Variants in RIMS4 observed in about 807,000 individuals in gnomAD.
RIMS4 encodes regulating synaptic membrane exocytosis protein 4.
RIMS4 carries 9 observed loss-of-function variants against 29.0 expected under a neutral mutation model. The ratio of observed to expected loss-of-function variants is 0.31; its 90% confidence interval spans 0.19 to 0.54. The LOEUF (loss-of-function observed/expected upper bound fraction) is 0.54, where lower values mean the gene tolerates loss of function less well. Among genes scored for constraint, RIMS4 ranks in the 20% least tolerant of loss-of-function variants. The pLI, the probability that RIMS4 is intolerant of heterozygous loss-of-function variation, is 0.94. For synonymous variants in RIMS4, 130 were observed against 152.9 expected (o/e 0.85, Z 1.10); for missense variants, 193 against 365.7 (o/e 0.53, Z 3.85).
intron 1 of RIMS4, among the ~76,000 whole-genome samples, chr20:44,778,343 T>C (rs1041115899): frequency 2.6e-5 from 4 of 152,206 alleles, no homozygotes; most frequent in African/African-American, 9.7e-5. Flanking sequence ...AGAGGGCAAC[T>C]GAAGCCCAAA....
At chr20:44,757,137 G>A in intron 4 of RIMS4, 100 bp from the exon 5 acceptor site, 1 of 1,356,990 alleles carries the variant, frequency 7.4e-7, no homozygotes, top group Non-Finnish European at 1.0e-6. Flanking sequence ...CTGGAGATAG[G>A]TGTGCCCCCA....
In RIMS4 at chr20:44,756,868, C is replaced by T. The variant is rs905002314; in HGVS notation, c.591+30G>A. The T allele has an allele frequency of 3.1e-6, 5 of 1,609,472 alleles. No individual in the cohort carries two copies. The highest frequency in any genetic ancestry group is 4.2e-6 in the Non-Finnish European group (5 of 1,177,386). On this transcript the variant is annotated intron_variant, in intron 5 of 5. Transcript: ENST00000372851. The surrounding 1 kb of genome is among the most constrained non-coding windows in gnomAD (Gnocchi z 5.9). The stretch of plus-strand genomic sequence containing the variant: ...CTGTGCATGTGTGCTCGTGCACACA[C>T]ACACACGTGAGCGCGTCAATGCCCC...
In RIMS4 at chr20:44,771,367, C is replaced by T. The variant is rs79160498; in HGVS notation, c.144G>A (p.Thr48=). 2.4e-4 allele frequency: 380 copies of T among 1,613,862 alleles called. 1 individual carries two copies. In the African/African-American group the frequency reaches 3.1e-3, roughly 13 times the overall value. ...LKGAIQRSTE[T]GLAVEMPSRT... is the part of the protein sequence containing the mutation. Reference sequence around the variant, plus strand: ...GGCTGGGCATCTCCACTGCCAGGCCCGTCTCCGTGCTCCTCTGGATGGCCC... The same window carrying T: ...GGCTGGGCATCTCCACTGCCAGGCCTGTCTCCGTGCTCCTCTGGATGGCCC... Residue 48 remains threonine (T), a synonymous_variant, in exon 2 of 6, where the codon ACG becomes ACA. Coordinates refer to ENST00000372851, the MANE Select transcript of RIMS4 (RefSeq NM_182970.4).
In RIMS4 at chr20:44,756,161, G is replaced by A. The variant is rs1274756517; in HGVS notation, c.783C>T (p.Thr261=). 2.8e-5 allele frequency: 45 copies of A among 1,611,994 alleles called. No homozygotes were observed. The Admixed American group carries it at 6.8e-4, about 24-fold the overall frequency. ...RQASQLSLES[T]VGPCGERS ...AAGATCGTTCTCCGCAGGGCCCCAC[G>A]GTGCTCTCGAGGGACAACTGGGATG... Residue 261 remains threonine (T), a synonymous_variant, in exon 6 of 6, where the codon ACC becomes ACT. Coordinates refer to ENST00000372851, the MANE Select transcript of RIMS4 (RefSeq NM_182970.4). The surrounding 1 kb of genome is among the most constrained non-coding windows in gnomAD (Gnocchi z 5.9).
intron 1 of RIMS4, among the ~76,000 whole-genome samples, chr20:44,772,633 T>C (rs1011680464): frequency 6.6e-6 from 1 of 152,324 alleles, no homozygotes; most frequent in South Asian, 2.1e-4. Flanking sequence ...CCCTGCTCCA[T>C]GGCCTAGTGA....
At chr20:44,803,860 G>A (rs1223928042) in intron 1 of RIMS4, among the ~76,000 whole-genome samples, 1 of 152,232 alleles carries the variant, frequency 6.6e-6, no homozygotes, top group African/African-American at 2.4e-5. Context: ...CTGTGATAGG[G>A]ATCAACCAGG....
At chr20:44,785,824 G>A (rs1025545649) in intron 1 of RIMS4, among the ~76,000 whole-genome samples, 1 of 148,194 alleles carries the variant, frequency 6.7e-6, no homozygotes, top group Non-Finnish European at 1.5e-5. Flanking sequence ...CTTAGACTGT[G>A]CCTGGACTTG....
chr20:44,768,392 G>T (rs1439551379), intron 2 of RIMS4, among the ~76,000 whole-genome samples: 2 of 152,230 alleles, frequency 1.3e-5, no homozygotes, highest in Non-Finnish European at 1.5e-5. Flanking sequence ...TTGCGGGGGT[G>T]CTCAAGTGGG....
At chr20:44,801,465 C>A (rs577971023) in intron 1 of RIMS4, among the ~76,000 whole-genome samples, 4 of 152,316 alleles carry the variant, frequency 2.6e-5, no homozygotes, top group African/African-American at 9.6e-5. Context: ...CCCTTTACAT[C>A]GATGATTCCT....
intron 2 of RIMS4, among the ~76,000 whole-genome samples, chr20:44,758,991 C>T (rs1433920337): frequency 6.6e-6 from 1 of 152,206 alleles, no homozygotes; most frequent in African/African-American, 2.4e-5. Flanking sequence ...ACAGCAACAA[C>T]AAAGATAATT....
chr20:44,806,393 G>A (rs2145482500), intron 1 of RIMS4, among the ~76,000 whole-genome samples: 1 of 152,334 alleles, frequency 6.6e-6, no homozygotes, highest in Non-Finnish European at 1.5e-5. Flanking sequence ...AAATGAAGTG[G>A]TCAGGAAGAG....
At chr20:44,768,888 C>T (rs2066125023) in intron 2 of RIMS4, among the ~76,000 whole-genome samples, 1 of 152,224 alleles carries the variant, frequency 6.6e-6, no homozygotes, top group Non-Finnish European at 1.5e-5. Flanking sequence ...CAAACAGTGG[C>T]TTAATGAACA....
Position 44,778,321 on chromosome 20 carries a change from C to A in RIMS4, c.98-6908G>T, listed in dbSNP as rs568070157. On this transcript the variant is annotated intron_variant, in intron 1 of 5. Transcript: ENST00000372851. The stretch of plus-strand genomic sequence containing the variant: ...AACTTAGGGATCATCCAGATCAATG[C>A]CTTTATTGTACAGAGGGCAACTGAA... 2.6e-5 allele frequency among the ~76,000 whole-genome samples: 4 copies of A among 152,282 alleles called. No homozygotes were observed. The South Asian group carries it at 6.2e-4, about 24-fold the overall frequency.
intron 1 of RIMS4, among the ~76,000 whole-genome samples, chr20:44,804,298 C>CT (rs2066289115): frequency 6.6e-6 from 1 of 152,106 alleles, no homozygotes; most frequent in Non-Finnish European, 1.5e-5. Flanking sequence ...ATAATTAACC[C>CT]TTTTTTTCCA....
chr20:44,809,967 A>C (rs1370871275), intron 1 of RIMS4, among the ~76,000 whole-genome samples: 1 of 151,798 alleles, frequency 6.6e-6, no homozygotes, highest in African/African-American at 2.4e-5. Context: ...GGAAAGGTGA[A>C]TGCAGACAAT....
chr20:44,766,469 G>A (rs1454335335), intron 2 of RIMS4, among the ~76,000 whole-genome samples: 1 of 152,152 alleles, frequency 6.6e-6, no homozygotes. Context: ...TGGGGACTGG[G>A]AGAGGCTGGG....
chr20:44,771,481 TC>T, intron 1 of RIMS4, 68 bp from the exon 2 acceptor site: 1 of 1,539,008 alleles, frequency 6.5e-7, no homozygotes, highest in South Asian at 1.2e-5. Context: ...GAGAGAAGAG[TC>T]ATCTGGTTAG....
intron 2 of RIMS4, among the ~76,000 whole-genome samples, chr20:44,760,185 A>G (rs1359058050): frequency 1.3e-5 from 2 of 152,216 alleles, no homozygotes; most frequent in Non-Finnish European, 2.9e-5. Flanking sequence ...ATGCTGCAGG[A>G]TCCTTGAGGA....
intron 1 of RIMS4, among the ~76,000 whole-genome samples, chr20:44,779,852 G>A (rs1257889405): frequency 2.0e-5 from 3 of 152,166 alleles, no homozygotes; most frequent in East Asian, 3.9e-4. Flanking sequence ...AGGTTAACAC[G>A]TTAGACTATC....
Sources: gnomAD v4.1 joint callset for allele counts (sites outside exome capture counted in the v4.1 genomes callset) on GRCh38, gnomAD v4.1.1 for gene constraint, Gnocchi (gnomAD v3.1) non-coding constraint, MANE v1.5 for transcripts, NCBI Gene and HGNC (gene_info 2026-07-23, HGNC 2026-07-21) for gene names.